Variants in ZNF608 observed in about 807,000 individuals in gnomAD.
ZNF608 encodes the protein renal carcinoma antigen NY-REN-36.
A neutral mutation model predicts 109.0 loss-of-function variants in ZNF608; 12 were observed. That is an observed-to-expected ratio of 0.11 (90% CI 0.07 to 0.18). The LOEUF (loss-of-function observed/expected upper bound fraction) is 0.18. Among genes scored for constraint, ZNF608 ranks in the 10% least tolerant of loss-of-function variants. ZNF608 has a pLI of 1.00. For missense variants in ZNF608, 1,707 were observed against 1,879.3 expected (o/e 0.91, Z 1.70); for synonymous variants, 732 against 717.4 (o/e 1.02, Z -0.33).
intron 3 of ZNF608, among the ~76,000 whole-genome samples, chr5:124,652,052 A>G (rs1750810177): frequency 6.6e-6 from 1 of 152,224 alleles, no homozygotes; most frequent in Non-Finnish European, 1.5e-5. Context: ...AACGAAATTC[A>G]CCGTCTCAAT....
At chr5:124,712,873 G>T (rs958011183) in intron 2 of ZNF608, among the ~76,000 whole-genome samples, 5 of 152,078 alleles carry the variant, frequency 3.3e-5, no homozygotes, top group African/African-American at 1.2e-4. Flanking sequence ...ACACCATGCT[G>T]CAAGTCACCT....
At position 124,691,896 on chromosome 5, in the gene ZNF608, G is replaced by A. The variant is rs559885727; in HGVS notation, c.1162+9118C>T. On this transcript the variant is annotated intron_variant, in intron 3 of 9. Transcript: ENST00000513986. ...GTTCTAGAGATCTGCAGTACAACAC[G>A]GTACCTATGGTTAAGAATAAAAAAA... Among the ~76,000 whole-genome samples, 7 of 151,970 alleles carry A rather than the reference G, an allele frequency of 4.6e-5. No homozygotes were observed. The South Asian group carries it at 8.3e-4, about 18-fold the overall frequency.
chr5:124,657,540 T>C (rs549293255), intron 3 of ZNF608, among the ~76,000 whole-genome samples: 1 of 152,138 alleles, frequency 6.6e-6, no homozygotes, highest in Admixed American at 6.5e-5. Context: ...CCGGGCCTGG[T>C]GGTGGGCACC....
intron 2 of ZNF608, among the ~76,000 whole-genome samples, chr5:124,721,873 C>G (rs960466625): frequency 2.9e-5 from 4 of 139,228 alleles, no homozygotes; most frequent in African/African-American, 1.1e-4. Flanking sequence ...ACCAAGGAAG[C>G]CGAGGTTACA....
intron 3 of ZNF608, among the ~76,000 whole-genome samples, chr5:124,671,443 CTAA>C (rs1733844083): frequency 6.6e-6 from 1 of 152,140 alleles, no homozygotes; most frequent in Admixed American, 6.5e-5. Flanking sequence ...CATTAAGTTT[CTAA>C]TAACTACTAC....
Position 124,649,029 on chromosome 5 carries a change from G to A in ZNF608, c.1355C>T (p.Thr452Ile). 1 of 1,614,156 alleles carries A rather than the reference G, an allele frequency of 6.2e-7. No homozygotes were observed. The highest frequency in any genetic ancestry group is 8.5e-7 in the Non-Finnish European group (1 of 1,180,024). Reference sequence around the variant, plus strand: ...CTTATTCTGCAGCCCTCTGGACTCTGTGAAGCTGGCCTCGGAGCCCGGGGC... The same window carrying A: ...CTTATTCTGCAGCCCTCTGGACTCTATGAAGCTGGCCTCGGAGCCCGGGGC... The part of the protein sequence containing the change: ...AAAPGSEASF[T>I]ESRGLQNKNR... The change falls in exon 5 of 10, where the codon ACA (threonine) becomes ATA (isoleucine). Residue 452 changes from threonine to isoleucine, a missense_variant. By Grantham distance (89) the Thr-to-Ile change is moderately conservative. Coordinates refer to ENST00000513986, the MANE Select transcript of ZNF608 (RefSeq NM_020747.3).
chr5:124,643,444 T>C lies in ZNF608; in HGVS notation c.4296+67A>G, dbSNP rs901735894. On this transcript the variant is annotated intron_variant, in intron 7 of 9. Coordinates refer to ENST00000513986, the MANE Select transcript of ZNF608 (RefSeq NM_020747.3). The stretch of plus-strand genomic sequence containing the variant: ...CGAAACCATTTATATTTCAAGACTG[T>C]TCTCTAGCTTGTTCCCCTTTCTCCC... 5 of 1,495,570 alleles carry C rather than the reference T, an allele frequency of 3.3e-6. No homozygotes were observed. The Admixed American group carries it at 8.9e-5, about 27-fold the overall frequency. The allele number at this position is 1,495,570 out of a possible 1,614,324, so 92.6% of individuals were successfully genotyped here.
chr5:124,650,647 C>T (rs1750736052), intron 3 of ZNF608, among the ~76,000 whole-genome samples: 1 of 152,192 alleles, frequency 6.6e-6, no homozygotes. Context: ...TGCCAAATTA[C>T]AAAAATCACT....
chr5:124,649,083 C>G lies in ZNF608; in HGVS notation c.1301G>C (p.Arg434Thr), dbSNP rs745554672. ...AGCAGCAGACCTCGCTCTCTTCCCT[C>G]TGCCCCGGCCCCCTCTCATCTCCAG... ...SDLEMRGGRG[R>T]GKRARSAAAA... The change falls in exon 5 of 10, where the codon AGA becomes ACA. Residue 434 changes from arginine (R) to threonine (T), a missense_variant. By Grantham distance (71) the Arg-to-Thr change is moderately conservative. This residue lies in a region of ZNF608 where 166 missense variants were observed against 204.2 expected (regional missense o/e 0.81). Coordinates refer to ENST00000513986, the MANE Select transcript of ZNF608 (RefSeq NM_020747.3). 2 of 1,597,728 alleles carry G rather than the reference C, an allele frequency of 1.3e-6. No homozygotes were observed. Among genetic ancestry groups the G allele is most frequent in the Non-Finnish European group, 1.7e-6 (2 of 1,175,032 alleles).
At chr5:124,675,923 C>G (rs1751929368) in intron 3 of ZNF608, among the ~76,000 whole-genome samples, 1 of 152,144 alleles carries the variant, frequency 6.6e-6, no homozygotes, top group Non-Finnish European at 1.5e-5. Context: ...AGGAGAGAGA[C>G]TATTTTGGAA....
At chr5:124,641,539 A>T in intron 7 of ZNF608, 134 bp from the exon 8 acceptor site, 12 of 1,009,982 alleles carry the variant, frequency 1.2e-5, no homozygotes, top group South Asian at 2.1e-5. Flanking sequence ...ATTCTTTAGT[A>T]ACTAAAGAGA....
rs190776150 is a variant in ZNF608, at chr5:124,719,124, T to C, written c.907-17855A>G. Among the ~76,000 whole-genome samples, 434 of 152,322 alleles carry C rather than the reference T, an allele frequency of 2.8e-3. 3 individuals carry two copies. The highest frequency in any genetic ancestry group is 0.01 in the African/African-American group (425 of 41,572). On this transcript the variant is annotated intron_variant, in intron 2 of 9. Coordinates refer to ENST00000513986, the MANE Select transcript of ZNF608 (RefSeq NM_020747.3). ...TCAAAATGTGTGCCAAGTGCTTACATTTTTTCTTTCCAACTATTTGAAGAA... is the reference window on the plus strand; with the variant it reads ...TCAAAATGTGTGCCAAGTGCTTACACTTTTTCTTTCCAACTATTTGAAGAA...
chr5:124,661,625 C>T (rs143854932), intron 3 of ZNF608, among the ~76,000 whole-genome samples: 7 of 152,266 alleles, frequency 4.6e-5, no homozygotes, highest in African/African-American at 1.7e-4. Flanking sequence ...CCTTTGTTAG[C>T]ACTTACTGGA....
At chr5:124,741,662 C>T (rs1749410516) in intron 2 of ZNF608, among the ~76,000 whole-genome samples, 1 of 152,192 alleles carries the variant, frequency 6.6e-6, no homozygotes, top group Non-Finnish European at 1.5e-5. Flanking sequence ...TAGGTATTCT[C>T]ACATCAGTAG....
intron 2 of ZNF608, among the ~76,000 whole-genome samples, chr5:124,724,800 C>T (rs1754074160): frequency 6.6e-6 from 1 of 152,172 alleles, no homozygotes; most frequent in Non-Finnish European, 1.5e-5. Context: ...GTAACATCAT[C>T]TCCCTCAACC....
Position 124,647,041 on chromosome 5 carries a change from C to T in ZNF608, c.3343G>A (p.Ala1115Thr), listed in dbSNP as rs1456613200. The T allele has an allele frequency of 2.5e-6, 4 of 1,613,736 alleles. No individual in the cohort carries two copies. Among genetic ancestry groups the T allele is most frequent in the Non-Finnish European group, 2.5e-6 (3 of 1,179,886 alleles). Residue 1115 changes from alanine to threonine, a missense_variant, in exon 5 of 10, where the codon GCA becomes ACA. Ala to Thr is a moderately conservative substitution (Grantham distance 58, BLOSUM62 0). This residue lies in a region of ZNF608 where 1,073 missense variants were observed against 1,133.5 expected (regional missense o/e 0.95). Transcript: ENST00000513986. ...CCAGTCTGGGCCATTTTCTGCTCTGCCAGCCTCTGGTCCTCATAGTACTTC... is the reference window on the plus strand; with the variant it reads ...CCAGTCTGGGCCATTTTCTGCTCTGTCAGCCTCTGGTCCTCATAGTACTTC... ...YEKYYEDQRL[A>T]EQKMAQTGRG...
At chr5:124,642,889 G>A (rs1464525185) in intron 7 of ZNF608, among the ~76,000 whole-genome samples, 2 of 151,822 alleles carry the variant, frequency 1.3e-5, no homozygotes, top group African/African-American at 2.4e-5. Context: ...TAGAGACGGA[G>A]TTTCACCATA....
intron 2 of ZNF608, among the ~76,000 whole-genome samples, chr5:124,702,068 C>T (rs1460640785): frequency 2.0e-5 from 3 of 152,196 alleles, no homozygotes; most frequent in Non-Finnish European, 4.4e-5. Context: ...AATGGCATCC[C>T]CTTTGCACCG....
At chr5:124,741,029 G>A (rs1331277472) in intron 2 of ZNF608, among the ~76,000 whole-genome samples, 1 of 152,146 alleles carries the variant, frequency 6.6e-6, no homozygotes, top group Non-Finnish European at 1.5e-5. Flanking sequence ...AAGGTGGAGA[G>A]GCAGGTTTTA....
Sources: gnomAD v4.1 joint callset for allele counts (sites outside exome capture counted in the v4.1 genomes callset) on GRCh38, gnomAD v4.1.1 for gene constraint, gnomAD v4.1.1 regional missense constraint, MANE v1.5 for transcripts, NCBI Gene and HGNC (gene_info 2026-07-23, HGNC 2026-07-21) for gene names.